Variants in KLF12 observed in about 807,000 individuals in gnomAD.
KLF12 encodes KLF transcription factor 12.
In KLF12, 9 loss-of-function variants were observed where a neutral mutation model predicts 37.8. The ratio of observed to expected loss-of-function variants is 0.24; its 90% CI spans 0.14 to 0.42. The LOEUF is 0.42. Among genes scored for constraint, KLF12 ranks in the 10% least tolerant of loss-of-function variants. The pLI is 1.00. For missense variants in KLF12, 411 were observed against 516.0 expected (o/e 0.80, Z 1.97); for synonymous variants, 208 against 202.1 (o/e 1.03, Z -0.25).
At chr13:74,019,065 A>T (rs557309990) in intron 1 of KLF12, among the ~76,000 whole-genome samples, 1 of 152,222 alleles carries the variant, frequency 6.6e-6, no homozygotes, top group African/African-American at 2.4e-5. Flanking sequence ...TTATAATAAC[A>T]TATTAGAGGT....
chr13:73,874,973 GAT>G (rs1886634590), intron 3 of KLF12, among the ~76,000 whole-genome samples: 1 of 151,886 alleles, frequency 6.6e-6, no homozygotes. Flanking sequence ...TTAATTATGA[GAT>G]ATAAAAATAT....
chr13:73,960,361 A>G (rs1463744305), intron 2 of KLF12: 1 of 295,438 alleles, frequency 3.4e-6, no homozygotes, highest in Non-Finnish European at 7.7e-6. Context: ...ATGGAGTGAG[A>G]TTTTTCACTT....
At chr13:74,085,028 G>C (rs1396542224) in intron 1 of KLF12, among the ~76,000 whole-genome samples, 1 of 152,010 alleles carries the variant, frequency 6.6e-6, no homozygotes, top group Admixed American at 6.6e-5. Flanking sequence ...TCTATATCAT[G>C]ATCCATTAAA....
At chr13:74,217,154 G>C in the KLF12 span, among the ~76,000 whole-genome samples, 2 of 151,932 alleles carry the variant, frequency 1.3e-5, no homozygotes, top group Admixed American at 6.6e-5. Context: ...AACATTAAAT[G>C]TTAGATGATT....
chr13:73,809,937 TA>T, intron 5 of KLF12, among the ~76,000 whole-genome samples: 1 of 152,176 alleles, frequency 6.6e-6, no homozygotes. Flanking sequence ...CACTATTACA[TA>T]AAATCCTGTG....
the KLF12 span, among the ~76,000 whole-genome samples, chr13:74,196,129 G>A: frequency 6.6e-6 from 1 of 152,140 alleles, no homozygotes; most frequent in African/African-American, 2.4e-5. Context: ...TATTTAGAGA[G>A]CACACATACA....
intron 3 of KLF12, among the ~76,000 whole-genome samples, chr13:73,881,859 G>C (rs1420944024): frequency 6.6e-6 from 1 of 152,042 alleles, no homozygotes; most frequent in Non-Finnish European, 1.5e-5. Context: ...TTTTTACTTA[G>C]AGTGTTAATG....
At chr13:74,288,288 A>G in the KLF12 span, among the ~76,000 whole-genome samples, 1 of 152,324 alleles carries the variant, frequency 6.6e-6, no homozygotes, top group Non-Finnish European at 1.5e-5. Context: ...TTTCAACTCT[A>G]TATCAGTCCA....
intron 3 of KLF12, among the ~76,000 whole-genome samples, chr13:73,861,600 G>A (rs542472940): frequency 1.6e-4 from 24 of 152,244 alleles, no homozygotes; most frequent in African/African-American, 4.3e-4. Flanking sequence ...CAAGAGTGTC[G>A]AAGTTTAAAG....
chr13:74,023,007 A>G (rs1372970234), intron 1 of KLF12, among the ~76,000 whole-genome samples: 1 of 151,472 alleles, frequency 6.6e-6, no homozygotes, highest in Admixed American at 6.6e-5. Flanking sequence ...TCAGAAGCCA[A>G]CAAACTGATT....
chr13:73,947,831 G>A (rs1479503019), intron 2 of KLF12, among the ~76,000 whole-genome samples: 2 of 151,926 alleles, frequency 1.3e-5, no homozygotes, highest in Non-Finnish European at 2.9e-5. Flanking sequence ...CATACAATGG[G>A]GTGACTTTCC....
intron 2 of KLF12, among the ~76,000 whole-genome samples, chr13:73,970,809 G>A (rs1328097705): frequency 6.6e-6 from 1 of 152,162 alleles, no homozygotes; most frequent in Non-Finnish European, 1.5e-5. Flanking sequence ...CAAATAAATC[G>A]TTTGTGTGTT....
chr13:73,908,410 A>AAAAC (rs1334483800), intron 3 of KLF12, among the ~76,000 whole-genome samples: 1 of 150,142 alleles, frequency 6.7e-6, no homozygotes, highest in Non-Finnish European at 1.5e-5. Context: ...TCAAAAAAAA[A>AAAAC]AAACAAACAA....
At chr13:73,827,117 C>T (rs1052998066) in intron 4 of KLF12, among the ~76,000 whole-genome samples, 2 of 152,154 alleles carry the variant, frequency 1.3e-5, no homozygotes, top group African/African-American at 4.8e-5. Context: ...TTTCATTTAA[C>T]ATTGTATTTT....
chr13:74,102,473 G>C (rs891336053), intron 1 of KLF12, among the ~76,000 whole-genome samples: 1 of 151,862 alleles, frequency 6.6e-6, no homozygotes, highest in South Asian at 2.1e-4. Context: ...TGAGGCGAGC[G>C]GATCACCTGA....
At chr13:74,216,021 A>C in the KLF12 span, among the ~76,000 whole-genome samples, 25 of 152,168 alleles carry the variant, frequency 1.6e-4, no homozygotes, top group Non-Finnish European at 8.8e-5. Flanking sequence ...AGGAATGAAC[A>C]CAAGAGCCCC....
intron 3 of KLF12, among the ~76,000 whole-genome samples, chr13:73,931,474 C>A: frequency 6.6e-6 from 1 of 152,038 alleles, no homozygotes; most frequent in South Asian, 2.1e-4. Flanking sequence ...ATATTTATGT[C>A]AGTATAGAAG....
At chr13:73,722,035 T>C (rs112002654) in intron 6 of KLF12, among the ~76,000 whole-genome samples, 7 of 152,312 alleles carry the variant, frequency 4.6e-5, no homozygotes, top group African/African-American at 1.2e-4. Context: ...GGTTGCACGA[T>C]AGAATTACCT....
chr13:73,973,040 T>C (rs1234107355), intron 2 of KLF12, among the ~76,000 whole-genome samples: 1 of 152,168 alleles, frequency 6.6e-6, no homozygotes, highest in East Asian at 1.9e-4. Flanking sequence ...GTTGTTTCTA[T>C]ATTGGCAAAA....
Sources: gnomAD v4.1 joint callset for allele counts (sites outside exome capture counted in the v4.1 genomes callset) on GRCh38, gnomAD v4.1.1 for gene constraint, MANE v1.5 for transcripts, NCBI Gene and HGNC (gene_info 2026-07-23, HGNC 2026-07-21) for gene names.